Variants in VASH1 observed in about 807,000 individuals in gnomAD.
VASH1 encodes vasohibin 1.
Under a neutral mutation model 35.0 loss-of-function variants are expected in VASH1, and 16 were observed. The observed-to-expected ratio is 0.46, with a 90% CI of 0.31 to 0.70. The LOEUF is 0.70. VASH1 is among the 30% of genes least tolerant of loss of function. VASH1 has a pLI of 0.05. For missense variants in VASH1, 505 were observed against 510.7 expected (o/e 0.99, Z 0.11); for synonymous variants, 214 against 200.9 (o/e 1.07, Z -0.55).
At position 76,780,369 on chromosome 14, in the gene VASH1, G is replaced by A. The variant is rs997752635; in HGVS notation, c.*1351G>A. ...GCAGAGACGAGATGGCTGTTTGTCAGGAGGCGGTAGAAAGGTAGAAAGGAT... is the reference window on the plus strand; with the variant it reads ...GCAGAGACGAGATGGCTGTTTGTCAAGAGGCGGTAGAAAGGTAGAAAGGAT... On this transcript the variant is annotated 3_prime_UTR_variant, in exon 7 of 7. Transcript: ENST00000167106. The A allele has an allele frequency of 6.6e-6, 1 of 152,380 alleles. No individual in the cohort carries two copies. Among genetic ancestry groups the A allele is most frequent in the African/African-American group, 2.4e-5 (1 of 41,438 alleles). 9.4% of individuals were successfully genotyped at this position (152,380 alleles called of 1,614,324 possible).
At chr14:76,778,092 G>A (rs1325216282) in intron 6 of VASH1, 21 bp downstream of exon 6, 27 of 1,433,180 alleles carry the variant, frequency 1.9e-5, no homozygotes, top group Non-Finnish European at 2.5e-5. Flanking sequence ...GACCACGCCT[G>A]GGTGGGTCCA....
rs574451941 is a variant in VASH1, at chr14:76,776,291, GCCCTCGCCCCCT to G, written c.912+34_912+45del. 0.019 allele frequency: 29,067 copies of G among 1,539,646 alleles called. 359 individuals are homozygous for G. Among genetic ancestry groups the G allele is most frequent in the Non-Finnish European group, 0.022 (24,857 of 1,147,260 alleles). ...GGCTCAAGGTCTGCCCGCCTTCCAC[GCCCTCGCCCCCT>G]CCCTCGCCCCCTCCCCCGCCCCAGC... is the stretch of plus-strand genomic sequence containing the variant. On this transcript the variant is annotated intron_variant, in intron 5 of 6. Coordinates refer to ENST00000167106, the MANE Select transcript of VASH1 (RefSeq NM_014909.5).
Position 76,779,215 on chromosome 14 carries a change from C to T in VASH1, c.*197C>T, listed in dbSNP as rs1425655579. ...GCCCCCTAACTTTGGGCCTAGAGGC[C>T]GTTAGTATTTTATTTGGAGTTTTTA... is the stretch of plus-strand genomic sequence containing the variant. On this transcript the variant is annotated 3_prime_UTR_variant, in exon 7 of 7. Transcript: ENST00000167106. The T allele has an allele frequency of 4.3e-6, 3 of 693,368 alleles. No individual in the cohort carries two copies. Among genetic ancestry groups the T allele is most frequent in the East Asian group, 2.7e-5 (1 of 37,204 alleles). 43.0% of individuals were successfully genotyped at this position (693,368 alleles called of 1,614,324 possible). A position where few individuals can be genotyped will look rare whatever the true frequency, so the allele number is the denominator to read the frequency against.
At position 76,761,808 on chromosome 14, in the gene VASH1, C is replaced by T. The variant is rs1008933864; in HGVS notation, c.-1014C>T. Among the ~76,000 whole-genome samples the T allele has an allele frequency of 1.3e-5, 2 of 151,852 alleles. No homozygotes were observed. Among genetic ancestry groups the T allele is most frequent in the Non-Finnish European group, 2.9e-5 (2 of 67,912 alleles). On this transcript the variant is annotated 5_prime_UTR_variant, in exon 1 of 7. Transcript: ENST00000167106. ...CAGCCACGGAGCATCCTCCGCCCGCCCGGGCCGCGCCACCGCCCATGCTGC... is the reference window on the plus strand; with the variant it reads ...CAGCCACGGAGCATCCTCCGCCCGCTCGGGCCGCGCCACCGCCCATGCTGC...
At chr14:76,769,773 T>G in intron 1 of VASH1, 190 bp from the exon 2 acceptor site, 1 of 648,512 alleles carries the variant, frequency 1.5e-6, no homozygotes, top group South Asian at 1.8e-5. Flanking sequence ...AGGGAAGGAA[T>G]GGCTGGGCTG....
chr14:76,770,675 C>A (rs1646223631), intron 2 of VASH1, among the ~76,000 whole-genome samples: 1 of 152,186 alleles, frequency 6.6e-6, no homozygotes. Context: ...GGTCCTCTCT[C>A]CCAGGCTTCT....
At chr14:76,778,894 C>T in intron 6 of VASH1, 52 bp from the exon 7 acceptor site, 1 of 1,582,302 alleles carries the variant, frequency 6.3e-7, no homozygotes, top group South Asian at 1.1e-5. Context: ...CCAACTCCAT[C>T]TCCCTAACAG....
intron 1 of VASH1, among the ~76,000 whole-genome samples, chr14:76,764,725 C>T (rs10148307): frequency 0.45 from 66,470 of 148,786 alleles, 15,805 homozygotes; most frequent in South Asian, 0.57. Context: ...TCACTCTTTC[C>T]ACCAGGCTGG....
chr14:76,766,582 C>T (rs1027151088), intron 1 of VASH1, among the ~76,000 whole-genome samples: 1 of 152,090 alleles, frequency 6.6e-6, no homozygotes, highest in Non-Finnish European at 1.5e-5. Context: ...CTGGGGCTAC[C>T]GGTGTGCCCT....
In VASH1 at chr14:76,775,907, C is replaced by A; in HGVS notation, c.546C>A (p.Ser182Arg). The A allele has an allele frequency of 6.3e-7, 1 of 1,585,482 alleles. No individual in the cohort carries two copies. Residue 182 changes from serine to arginine, a missense_variant, in exon 5 of 7, where the codon AGC becomes AGA. Coordinates refer to ENST00000167106, the MANE Select transcript of VASH1 (RefSeq NM_014909.5). ...AVILGIYLTN[S>R]MPTLERFPIS... ...CACTGGCCAGTTACCTCACCAACAG[C>A]ATGCCCACCCTGGAGCGCTTCCCCA...
At position 76,776,030 on chromosome 14, in the gene VASH1, C is replaced by G. The variant is rs1278946272; in HGVS notation, c.669C>G (p.Arg223=). The change falls in exon 5 of 7, where the codon CGC becomes CGG. Residue 223 remains arginine, a synonymous_variant. Transcript: ENST00000167106. ...GRYGALGMSR[R]EDLMYKPPAF... Reference sequence around the variant, plus strand: ...ACGGTGCGCTGGGCATGAGTCGGCGCGAGGACCTGATGTACAAGCCGCCCG... The same window carrying G: ...ACGGTGCGCTGGGCATGAGTCGGCGGGAGGACCTGATGTACAAGCCGCCCG... The G allele has an allele frequency of 2.5e-6, 4 of 1,612,272 alleles. No individual in the cohort carries two copies. The highest frequency in any genetic ancestry group is 2.2e-5 in the South Asian group (2 of 90,882).
intron 1 of VASH1, 51 bp downstream of exon 1, chr14:76,763,181 C>T (rs1893550809): frequency 2.9e-6 from 4 of 1,370,990 alleles, no homozygotes; most frequent in South Asian, 2.0e-5. Context: ...TTTTAGTGAC[C>T]TTGGGGCCAA....
chr14:76,771,217 T>C lies in VASH1; in HGVS notation c.426T>C (p.Phe142=), dbSNP rs749274166. Residue 142 remains phenylalanine, a synonymous_variant, in exon 3 of 7, where the codon TTT becomes TTC. Transcript: ENST00000167106. ...LQYNHTGTQF[F]EIKKSRPLTG... ...ACAATCACACAGGGACACAGTTCTT[T>C]GAAATTAAGAAGAGCAGACCTCTGA... 4 of 1,604,852 alleles carry C rather than the reference T, an allele frequency of 2.5e-6. No individual in the cohort carries two copies. Among genetic ancestry groups the C allele is most frequent in the Middle Eastern group, 1.7e-4 (1 of 6,046 alleles).
At position 76,778,990 on chromosome 14, in the gene VASH1, AC is replaced by A; in HGVS notation, c.1072del (p.Asn359ThrfsTer39). On this transcript the variant is annotated frameshift_variant, in exon 7 of 7. Transcript: ENST00000167106. LOFTEE classifies it high-confidence loss of function. ...KKTSEPKAMP[D>X]LNGYQIRV ...ACTTCCGAGCCCAAAGCCATGCCAGACCTTAACGGGTACCAGATCCGGGTCT... is the reference window on the plus strand; with the variant it reads ...ACTTCCGAGCCCAAAGCCATGCCAGACTTAACGGGTACCAGATCCGGGTCT... 2.5e-6 allele frequency: 4 copies of A among 1,614,114 alleles called. No homozygotes were observed. Among genetic ancestry groups the A allele is most frequent in the Non-Finnish European group, 3.4e-6 (4 of 1,180,014 alleles).
intron 1 of VASH1, among the ~76,000 whole-genome samples, chr14:76,763,345 G>T (rs185937613): frequency 1.3e-5 from 2 of 152,240 alleles, no homozygotes; most frequent in Admixed American, 1.3e-4. Context: ...GGCCCTCCCC[G>T]CTGTCTTTTA....
In VASH1 at chr14:76,761,846, G is replaced by T. The variant is rs1893512761; in HGVS notation, c.-976G>T. ...CCGCCCATGCTGCAGCCAGTCCCAG[G>T]CAGCGACCCCGCGGCCGCAGCCCGC... On this transcript the variant is annotated 5_prime_UTR_variant, in exon 1 of 7. Coordinates refer to ENST00000167106, the MANE Select transcript of VASH1 (RefSeq NM_014909.5). 6.6e-6 allele frequency among the ~76,000 whole-genome samples: 1 copy of T among 151,692 alleles called. No homozygotes were observed. The highest frequency in any genetic ancestry group is 1.5e-5 in the Non-Finnish European group (1 of 67,862).
Position 76,779,429 on chromosome 14 carries a change from C to G in VASH1, c.*411C>G. The G allele has an allele frequency of 1.4e-6, 1 of 701,484 alleles. No individual in the cohort carries two copies. The allele number at this position is 701,484 out of a possible 1,614,324, so 43.5% of individuals were successfully genotyped here. Reference sequence around the variant, plus strand: ...GTGCATCTTATCAGTGGGAAATCTCCCAGCCTTACCAGGCCTGTGATGGGG... The same window carrying G: ...GTGCATCTTATCAGTGGGAAATCTCGCAGCCTTACCAGGCCTGTGATGGGG... On this transcript the variant is annotated 3_prime_UTR_variant, in exon 7 of 7. Transcript: ENST00000167106.
chr14:76,779,758 C>T lies in VASH1; in HGVS notation c.*740C>T, dbSNP rs569843198. 13 of 561,518 alleles carry T rather than the reference C, an allele frequency of 2.3e-5. No individual in the cohort carries two copies. The highest frequency in any genetic ancestry group is 1.5e-4 in the African/African-American group (8 of 53,072). The allele number at this position is 561,518 out of a possible 1,614,324, so 34.8% of individuals were successfully genotyped here. On this transcript the variant is annotated 3_prime_UTR_variant, in exon 7 of 7. Coordinates refer to ENST00000167106, the MANE Select transcript of VASH1 (RefSeq NM_014909.5). ...CTAACTGCGTCTACTTGCTCAGTCC[C>T]AGCTCTGCCTGTTGCTCTAGCCCAC...
Position 76,762,850 on chromosome 14 carries a change from G to T in VASH1, c.29G>T (p.Gly10Val), listed in dbSNP as rs762725525. MPGGKKVAG[G>V]GSSGATPTSA... is the part of the protein sequence containing the mutation. ...CCAGGGGGGAAGAAGGTGGCTGGGG[G>T]TGGCAGCAGCGGTGCCACTCCAACG... Residue 10 changes from glycine (G) to valine (V), a missense_variant, in exon 1 of 7, where the codon GGT becomes GTT. By Grantham distance (109) the Gly-to-Val change is moderately radical (BLOSUM62 -3). Coordinates refer to ENST00000167106, the MANE Select transcript of VASH1 (RefSeq NM_014909.5). 6.6e-7 allele frequency: 1 copy of T among 1,509,194 alleles called. No individual in the cohort carries two copies. The highest frequency in any genetic ancestry group is 8.9e-7 in the Non-Finnish European group (1 of 1,128,570). The allele number at this position is 1,509,194 out of a possible 1,614,324, so 93.5% of individuals were successfully genotyped here. A position where few individuals can be genotyped will look rare whatever the true frequency, so the allele number is the denominator to read the frequency against.
Sources: gnomAD v4.1 joint callset for allele counts (sites outside exome capture counted in the v4.1 genomes callset) on GRCh38, gnomAD v4.1.1 for gene constraint, MANE v1.5 for transcripts, NCBI Gene and HGNC (gene_info 2026-07-23, HGNC 2026-07-21) for gene names.